Variants in TTN observed in about 807,000 individuals in gnomAD.
TTN encodes titin, also known as connectin.
TTN carries 1,525 observed loss-of-function variants against 3,223.0 expected under a neutral mutation model. That is an observed-to-expected ratio of 0.47 (90% CI 0.45 to 0.49). The LOEUF is 0.49. Among genes scored for constraint, TTN ranks in the 20% least tolerant of loss-of-function variants. The pLI is 0.00. For missense variants in TTN, 40,786 were observed against 43,424.0 expected, an observed-to-expected ratio of 0.94 and a Z score of 5.40; for synonymous variants, 14,094 against 15,161.0, an observed-to-expected ratio of 0.93 and a Z score of 5.17.
chr2:178,566,026 C>T lies in TTN; in HGVS notation c.80106G>A (p.Leu26702=). ...CATCAATGATGGGTGGCTCCCATACCAGGAAGGCAGAATCTTTTCTCACTT... is the reference window on the plus strand; with the variant it reads ...CATCAATGATGGGTGGCTCCCATACTAGGAAGGCAGAATCTTTTCTCACTT... The part of the protein sequence containing the change: ...VKEVRKDSAF[L]VWEPPIIDGG... The change falls in exon 326 of 363, where the codon CTG becomes CTA. Residue 26702 remains leucine, a synonymous_variant. Transcript: ENST00000589042. 6.2e-7 allele frequency: 1 copy of T among 1,613,496 alleles called. No homozygotes were observed. The highest frequency in any genetic ancestry group is 1.1e-5 in the South Asian group (1 of 91,070).
intron 47 of TTN, chr2:178,749,505 T>C (rs2084752670): frequency 6.2e-7 from 1 of 1,612,898 alleles, no homozygotes; most frequent in Non-Finnish European, 8.5e-7. Flanking sequence ...TCTTTTACAT[T>C]TGTCCAGGGA....
In TTN at chr2:178,591,048, C is replaced by G; in HGVS notation, c.60677G>C (p.Ser20226Thr). ...TGGGATTTTCAGCTTTGTCTTACTG[C>G]TTCCGGAAGAGACAACACCCCACGT... ...KDTWGVVSSG[S>T]SKTKLKIPHL... is the part of the protein sequence containing the mutation. The change falls in exon 304 of 363, where the codon AGC becomes ACC. Residue 20226 changes from serine (S) to threonine (T), a missense_variant. Transcript: ENST00000589042. The G allele has an allele frequency of 6.2e-7, 1 of 1,613,442 alleles. No homozygotes were observed.
At chr2:178,696,427 A>G (rs1445708821) in intron 113 of TTN, among the ~76,000 whole-genome samples, 158 bp from the exon 114 acceptor site, 2 of 148,044 alleles carry the variant, frequency 1.4e-5, no homozygotes, top group Non-Finnish European at 3.0e-5. Context: ...ATTTTTGACT[A>G]TGGAACATAG....
chr2:178,630,994 C>T, intron 237 of TTN, 40 bp downstream of exon 237: 6 of 1,611,914 alleles, frequency 3.7e-6, no homozygotes, highest in Non-Finnish European at 4.2e-6. Flanking sequence ...CACAAATAAC[C>T]CCAATGCTTC....
At chr2:178,805,997 C>T (rs2094301200) in intron 1 of TTN, among the ~76,000 whole-genome samples, 1 of 152,254 alleles carries the variant, frequency 6.6e-6, no homozygotes, top group African/African-American at 2.4e-5. Flanking sequence ...TGAAATAGAA[C>T]ATTTCTGAAT....
In TTN at chr2:178,730,569, T is replaced by G. The variant is rs2080266872; in HGVS notation, c.17964A>C (p.Thr5988=). The change falls in exon 61 of 363, where the codon ACA becomes ACC. Residue 5988 remains threonine, a synonymous_variant. Coordinates refer to ENST00000589042, the MANE Select transcript of TTN (RefSeq NM_001267550.2). ...CCTTATTTGTGGCAGAACAAGTGTA[T>G]GTCCCACTGTCTGTACCTTCCAGCT... ...ISQLEGTDSG[T]YTCSATNKAG... The G allele has an allele frequency of 1.2e-6, 2 of 1,613,544 alleles. No homozygotes were observed. The highest frequency in any genetic ancestry group is 2.7e-5 in the African/African-American group (2 of 74,918).
At chr2:178,648,814 G>A in intron 213 of TTN, among the ~76,000 whole-genome samples, 1 of 152,132 alleles carries the variant, frequency 6.6e-6, no homozygotes, top group African/African-American at 2.4e-5. Context: ...CTTGCCGTGT[G>A]TTTCTGCAGC....
chr2:178,588,835 G>A lies in TTN; in HGVS notation c.62890C>T (p.Pro20964Ser). The change falls in exon 304 of 363, where the codon CCT becomes TCT. Residue 20964 changes from proline (P) to serine (S), a missense_variant. By Grantham distance (74) the Pro-to-Ser change is moderately conservative. Transcript: ENST00000589042. ...ACTTCTGGGGGATCAGGGCGACCAG[G>A]TTTATCATACTTGGTTTTGGCTATG... ...PVIAKTKYDK[P>S]GRPDPPEVTK... 4 of 1,613,356 alleles carry A rather than the reference G, an allele frequency of 2.5e-6. No homozygotes were observed. Among genetic ancestry groups the A allele is most frequent in the Non-Finnish European group, 3.4e-6 (4 of 1,179,596 alleles).
intron 216 of TTN, 75 bp downstream of exon 216, chr2:178,646,410 T>C: frequency 6.8e-6 from 7 of 1,032,322 alleles, no homozygotes; most frequent in Middle Eastern, 2.1e-4. Context: ...ACTACATATG[T>C]ACAACAACAT....
intron 47 of TTN, chr2:178,749,095 A>G: frequency 1.2e-6 from 2 of 1,612,858 alleles, no homozygotes; most frequent in Non-Finnish European, 8.5e-7. Flanking sequence ...TGGCAGATGA[A>G]TCTTTTGTAT....
In TTN at chr2:178,546,589, C is replaced by A. The variant is rs1350581429; in HGVS notation, c.94828+11G>T. On this transcript the variant is annotated intron_variant, in intron 341 of 362. Coordinates refer to ENST00000589042, the MANE Select transcript of TTN (RefSeq NM_001267550.2). ...ATAATTTTAAAAAGGAGAATGTTGA[C>A]TATTTCCTACCGTATTCATCTCGGC... is the stretch of plus-strand genomic sequence containing the variant. 1.9e-6 allele frequency: 3 copies of A among 1,600,956 alleles called. No homozygotes were observed. Among genetic ancestry groups the A allele is most frequent in the Non-Finnish European group, 2.6e-6 (3 of 1,170,818 alleles).
chr2:178,561,772 TGTC>T lies in TTN; in HGVS notation c.84357_84359del (p.Thr28121del). ...CACGGAACTGATACTCACTTCCTGT[TGTC>T]AGGCGAACTATTTTAATGGATGTTC... On this transcript the variant is annotated inframe_deletion, in exon 326 of 363. Transcript: ENST00000589042. The T allele has an allele frequency of 4.3e-6, 7 of 1,613,654 alleles. No homozygotes were observed. The South Asian group carries it at 6.6e-5, about 15-fold the overall frequency.
rs1359881893 is a variant in TTN, at chr2:178,578,655, A to G, written c.68285T>C (p.Leu22762Pro). The G allele has an allele frequency of 5.3e-5, 85 of 1,612,042 alleles. No homozygotes were observed. The East Asian group carries it at 1.9e-3, about 36-fold the overall frequency. The change falls in exon 321 of 363, where the codon CTA (leucine) becomes CCA (proline). Residue 22762 changes from leucine to proline, a missense_variant. Coordinates refer to ENST00000589042, the MANE Select transcript of TTN (RefSeq NM_001267550.2). The stretch of plus-strand genomic sequence containing the variant: ...AGTTTTCTTGGGGTCAGTCCAAGTT[A>G]GAGATACTGAATCGTGTCTGACATC... ...IVDVRHDSVS[L>P]TWTDPKKTGG...
At chr2:178,609,591 A>C in intron 272 of TTN, 21 bp from the exon 273 acceptor site, 1 of 1,566,038 alleles carries the variant, frequency 6.4e-7, no homozygotes, top group Non-Finnish European at 8.6e-7. Context: ...CATAACCAAT[A>C]AATGTTTTCA....
chr2:178,605,049 T>A lies in TTN; in HGVS notation c.54128A>T (p.Tyr18043Phe). The A allele has an allele frequency of 6.2e-7, 1 of 1,612,038 alleles. No individual in the cohort carries two copies. Among genetic ancestry groups the A allele is most frequent in the Non-Finnish European group, 8.5e-7 (1 of 1,178,738 alleles). The change falls in exon 280 of 363, where the codon TAC (tyrosine) becomes TTC (phenylalanine). Residue 18043 changes from tyrosine (Y) to phenylalanine (F), a missense_variant. By Grantham distance (22) the Tyr-to-Phe change is conservative. Coordinates refer to ENST00000589042, the MANE Select transcript of TTN (RefSeq NM_001267550.2). ...PKAVREDKGT[Y>F]TVTASNRLGS... ...AAGGCGATTGGAAGCAGTAACTGTGTAAGTGCCTTTGTCCTCCCGGACCGC... is the reference window on the plus strand; with the variant it reads ...AAGGCGATTGGAAGCAGTAACTGTGAAAGTGCCTTTGTCCTCCCGGACCGC...
intron 326 of TTN, 152 bp from the exon 327 acceptor site, chr2:178,558,789 T>C (rs1259994310): frequency 1.2e-6 from 1 of 834,526 alleles, no homozygotes; most frequent in Admixed American, 3.2e-5. Context: ...ATTTTGCTTC[T>C]GAACCAACCA....
chr2:178,798,163 A>G (rs2093869956), intron 6 of TTN, among the ~76,000 whole-genome samples: 1 of 152,150 alleles, frequency 6.6e-6, no homozygotes, highest in East Asian at 1.9e-4. Context: ...GTAACTTTAC[A>G]GTATGTTTGA....
chr2:178,712,566 T>C lies in TTN; in HGVS notation c.27356A>G (p.Asn9119Ser). 2 of 1,612,754 alleles carry C rather than the reference T, an allele frequency of 1.2e-6. No homozygotes were observed. The highest frequency in any genetic ancestry group is 1.7e-6 in the Non-Finnish European group (2 of 1,179,194). The change falls in exon 95 of 363, where the codon AAT becomes AGT. Residue 9119 changes from asparagine to serine, a missense_variant. By Grantham distance (46) the Asn-to-Ser change is conservative (BLOSUM62 1). Coordinates refer to ENST00000589042, the MANE Select transcript of TTN (RefSeq NM_001267550.2). ...KAPAKFVKRL[N>S]DYSIEKGKPL... ...TTTTCCTTTCTCTATGCTGTAATCA[T>C]TCAGCCTCTTCACAAATTTGGCTGG... is the stretch of plus-strand genomic sequence containing the variant.
chr2:178,747,955 A>G lies in TTN; in HGVS notation c.11311+5169T>C, dbSNP rs371409315. ...TATGGAGTGTGTCAGCTTCCTGAAC[A>G]TCACCTCTGTGGTCTTCCAAAGTGG... On this transcript the variant is annotated intron_variant, in intron 47 of 362. Transcript: ENST00000589042. 4 of 1,612,898 alleles carry G rather than the reference A, an allele frequency of 2.5e-6. No individual in the cohort carries two copies. The African/African-American group carries it at 5.3e-5, about 22-fold the overall frequency.
Sources: allele counts gnomAD v4.1 joint callset (sites outside exome capture counted in the v4.1 genomes callset), GRCh38; gene constraint gnomAD v4.1.1; transcripts MANE v1.5; gene names NCBI Gene and HGNC (gene_info 2026-07-23, HGNC 2026-07-21).